Variants in AFF3 observed in about 807,000 individuals in gnomAD.
The protein encoded by AFF3 is ALF transcription elongation factor 3, also known as AF4/FMR2 family member 3.
In AFF3, 32 loss-of-function variants were observed where a neutral mutation model predicts 129.7. The observed-to-expected ratio is 0.25, with a 90% CI of 0.19 to 0.33. AFF3 has a LOEUF of 0.33. Among genes scored for constraint, AFF3 ranks in the 10% least tolerant of loss-of-function variants. The pLI, the probability that AFF3 is intolerant of heterozygous loss-of-function variation, is 1.00. For synonymous variants in AFF3, 644 were observed against 635.4 expected, an observed-to-expected ratio of 1.01 and a Z score of -0.20; for missense variants, 1,373 against 1,592.0, an observed-to-expected ratio of 0.86 and a Z score of 2.34.
At chr2:99,908,217 T>A (rs1008927180) in intron 7 of AFF3, among the ~76,000 whole-genome samples, 3 of 152,116 alleles carry the variant, frequency 2.0e-5, no homozygotes, top group African/African-American at 7.2e-5. Flanking sequence ...TTTTTTGGAA[T>A]AGGTGGGGAA....
intron 13 of AFF3, among the ~76,000 whole-genome samples, chr2:99,633,912 T>C (rs988186164): frequency 2.2e-5 from 3 of 138,702 alleles, no homozygotes. Flanking sequence ...TTCCTTCCTT[T>C]TTTTTTTTTT....
At chr2:99,973,077 C>T (rs773525278) in intron 7 of AFF3, among the ~76,000 whole-genome samples, 1 of 152,198 alleles carries the variant, frequency 6.6e-6, no homozygotes, top group Non-Finnish European at 1.5e-5. Context: ...GAAAACAACA[C>T]ATGATACCTG....
At chr2:99,966,450 G>C (rs1488817339) in intron 7 of AFF3, among the ~76,000 whole-genome samples, 9 of 151,996 alleles carry the variant, frequency 5.9e-5, no homozygotes, top group African/African-American at 2.2e-4. Flanking sequence ...CAACACTTTG[G>C]GAGGCCGAGG....
At chr2:99,568,050 G>T (rs1676140330) in intron 19 of AFF3, among the ~76,000 whole-genome samples, 1 of 152,170 alleles carries the variant, frequency 6.6e-6, no homozygotes, top group Admixed American at 6.5e-5. Flanking sequence ...ACGTAAATAA[G>T]TGTTTAATAG....
At chr2:99,653,201 C>T (rs1685433851) in intron 12 of AFF3, among the ~76,000 whole-genome samples, 1 of 152,174 alleles carries the variant, frequency 6.6e-6, no homozygotes, top group Admixed American at 6.5e-5. Flanking sequence ...GCTGAATATA[C>T]AAGAAGTATT....
intron 7 of AFF3, among the ~76,000 whole-genome samples, chr2:99,907,380 A>T (rs1185929162): frequency 6.6e-6 from 1 of 152,202 alleles, no homozygotes; most frequent in Non-Finnish European, 1.5e-5. Context: ...ATTAAAGTGA[A>T]GTAATTCGAG....
At chr2:99,599,173 C>T (rs901508400) in intron 14 of AFF3, among the ~76,000 whole-genome samples, 5 of 152,224 alleles carry the variant, frequency 3.3e-5, no homozygotes, top group African/African-American at 1.2e-4. Flanking sequence ...CTTTCATCAC[C>T]CAGGAGTTCA....
intron 13 of AFF3, among the ~76,000 whole-genome samples, chr2:99,638,562 C>T (rs1683890490): frequency 6.6e-6 from 1 of 152,126 alleles, no homozygotes; most frequent in Non-Finnish European, 1.5e-5. Flanking sequence ...CAGCTGTCCC[C>T]CCGCCCACAG....
chr2:99,549,142 C>G lies in AFF3; in HGVS notation c.*2332G>C, dbSNP rs1341807458. ...TCTCCAGGTATGCAGGATAGACCTC[C>G]AGGGCCATCCCTTTATGTGTTTGAA... On this transcript the variant is annotated 3_prime_UTR_variant, in exon 25 of 25. Transcript: ENST00000672756. 9.0e-6 allele frequency: 2 copies of G among 223,262 alleles called. No homozygotes were observed. Among genetic ancestry groups the G allele is most frequent in the East Asian group, 1.3e-4 (2 of 15,366 alleles). 13.8% of individuals were successfully genotyped at this position (223,262 alleles called of 1,614,324 possible). A position where few individuals can be genotyped will look rare whatever the true frequency, so the allele number is the denominator to read the frequency against.
chr2:99,977,701 G>C (rs1679022902), intron 7 of AFF3, among the ~76,000 whole-genome samples: 1 of 152,176 alleles, frequency 6.6e-6, no homozygotes, highest in Non-Finnish European at 1.5e-5. Flanking sequence ...TTGGGCTCAA[G>C]AGCCTTTGTG....
chr2:99,871,298 C>T (rs1691850279), intron 7 of AFF3, among the ~76,000 whole-genome samples: 1 of 152,138 alleles, frequency 6.6e-6, no homozygotes, highest in Non-Finnish European at 1.5e-5. Flanking sequence ...AAGGGATACT[C>T]AATTGGTTTC....
At chr2:99,663,437 T>C (rs1686415970) in intron 12 of AFF3, among the ~76,000 whole-genome samples, 1 of 152,246 alleles carries the variant, frequency 6.6e-6, no homozygotes, top group South Asian at 2.1e-4. Flanking sequence ...GACACGACTA[T>C]TACTCTATGC....
intron 4 of AFF3, among the ~76,000 whole-genome samples, chr2:100,014,545 T>C (rs941150622): frequency 6.6e-6 from 1 of 152,088 alleles, no homozygotes; most frequent in African/African-American, 2.4e-5. Flanking sequence ...AGGGCACCAA[T>C]TCACAATCAA....
chr2:99,872,172 C>T (rs1197504418), intron 7 of AFF3, among the ~76,000 whole-genome samples: 2 of 133,058 alleles, frequency 1.5e-5, no homozygotes, highest in Non-Finnish European at 3.1e-5. Flanking sequence ...CGCCACTGCA[C>T]TCTCCAGCCT....
At chr2:99,741,986 T>C (rs567482933) in intron 10 of AFF3, among the ~76,000 whole-genome samples, 2 of 152,278 alleles carry the variant, frequency 1.3e-5, no homozygotes, top group African/African-American at 2.4e-5. Context: ...TGCTGTAAAT[T>C]GCAGAGAATT....
chr2:99,943,971 C>A (rs534795235), intron 7 of AFF3, among the ~76,000 whole-genome samples: 1 of 152,046 alleles, frequency 6.6e-6, no homozygotes. Context: ...AGCACCACCA[C>A]GGCTCACAGC....
chr2:99,923,383 T>A (rs1695992018), intron 7 of AFF3, among the ~76,000 whole-genome samples: 1 of 152,256 alleles, frequency 6.6e-6, no homozygotes. Flanking sequence ...GCTTTTGATG[T>A]TGAAAAGCAT....
At chr2:100,077,197 C>T (rs1048755448) in intron 4 of AFF3, among the ~76,000 whole-genome samples, 11 of 152,020 alleles carry the variant, frequency 7.2e-5, no homozygotes, top group Admixed American at 3.3e-4. Context: ...TGCAATGAGC[C>T]GAGATCATAC....
At chr2:99,551,796 T>A (rs17022762) in intron 24 of AFF3, among the ~76,000 whole-genome samples, 6,573 of 152,256 alleles carry the variant, frequency 0.043, 489 homozygotes, top group African/African-American at 0.15. Flanking sequence ...AATAAATACA[T>A]GATATCTGCC....
Sources: gnomAD v4.1 joint callset for allele counts (sites outside exome capture counted in the v4.1 genomes callset) on GRCh38, gnomAD v4.1.1 for gene constraint, MANE v1.5 for transcripts, NCBI Gene and HGNC (gene_info 2026-07-23, HGNC 2026-07-21) for gene names.